Variants in EXOC3L4 observed in about 807,000 individuals in gnomAD.
EXOC3L4 encodes exocyst complex component 3 like 4.
A neutral mutation model predicts 69.7 loss-of-function variants in EXOC3L4; 62 were observed. The observed-to-expected ratio is 0.89, with a 90% CI of 0.72 to 1.10. The LOEUF is 1.10. Ranked by LOEUF, EXOC3L4 falls within the 50% of genes least tolerant of loss-of-function variation. The pLI is 0.00. For synonymous variants in EXOC3L4, 502 were observed against 464.2 expected, an observed-to-expected ratio of 1.08 and a Z score of -1.05; for missense variants, 1,087 against 1,034.8, an observed-to-expected ratio of 1.05 and a Z score of -0.69.
intron 1 of EXOC3L4, among the ~76,000 whole-genome samples, chr14:103,096,401 C>CCTTTTTT (rs1889887350): frequency 1.5e-5 from 2 of 131,912 alleles, no homozygotes; most frequent in Admixed American, 8.3e-5. Flanking sequence ...TGGCAAGATT[C>CCTTTTTT]TTTTTTTTTT....
intron 2 of EXOC3L4, among the ~76,000 whole-genome samples, chr14:103,100,967 A>G (rs923278711): frequency 6.7e-6 from 1 of 149,928 alleles, no homozygotes; most frequent in Admixed American, 6.7e-5. Context: ...CAGTGACGCA[A>G]TCTTGGCTCA....
chr14:103,104,892 G>A, intron 6 of EXOC3L4, 54 bp downstream of exon 6: 1 of 1,546,428 alleles, frequency 6.5e-7, no homozygotes, highest in Admixed American at 1.9e-5. Context: ...CTCTGCAGGT[G>A]GGAGGGAGGA....
At chr14:103,104,520 CG>C (rs1008727663) in intron 5 of EXOC3L4, 131 bp downstream of exon 5, 4 of 1,361,370 alleles carry the variant, frequency 2.9e-6, no homozygotes, top group African/African-American at 1.5e-5. Flanking sequence ...AGGCCCCACG[CG>C]GGGGGAAATC....
Position 103,102,677 on chromosome 14 carries a change from C to T in EXOC3L4, c.954C>T (p.Ser318=), listed in dbSNP as rs759209408. 5.4e-6 allele frequency: 8 copies of T among 1,489,190 alleles called. No individual in the cohort carries two copies. The highest frequency in any genetic ancestry group is 6.2e-6 in the Non-Finnish European group (7 of 1,124,746). The allele number at this position is 1,489,190 out of a possible 1,614,324, so 92.2% of individuals were successfully genotyped here. A position where few individuals can be genotyped will look rare whatever the true frequency, so the allele number is the denominator to read the frequency against. Residue 318 remains serine, a synonymous_variant, in exon 3 of 12, where the codon AGC becomes AGT. Transcript: ENST00000688303. ...AWEVYLRAFH[S]AVAQRLQELA... Reference sequence around the variant, plus strand: ...AGGTCTATCTGCGTGCCTTCCACAGCGCCGTGGCCCAGCGCCTCCAGGAGC... The same window carrying T: ...AGGTCTATCTGCGTGCCTTCCACAGTGCCGTGGCCCAGCGCCTCCAGGAGC...
chr14:103,102,213 G>A lies in EXOC3L4; in HGVS notation c.490G>A (p.Ala164Thr). The A allele has an allele frequency of 6.3e-7, 1 of 1,593,374 alleles. No homozygotes were observed. Among genetic ancestry groups the A allele is most frequent in the Non-Finnish European group, 8.5e-7 (1 of 1,170,790 alleles). Residue 164 changes from alanine to threonine, a missense_variant, in exon 3 of 12, where the codon GCC (alanine) becomes ACC (threonine). Ala to Thr is a moderately conservative substitution (Grantham distance 58). Transcript: ENST00000688303. ...GGAGACGCTGCTGGTGGCCGAGAAG[G>A]CCTCGCGCACCTTTGAGCAGGACCC... Reference protein sequence around the residue: ...RLETLLVAEKASRTFEQDPTA... With the variant: ...RLETLLVAEKTSRTFEQDPTA...
rs1248408870 is a variant in EXOC3L4 at position 103,100,568 on chromosome 14, C to T, written c.349C>T (p.Gln117Ter). 2 of 1,609,586 alleles carry T rather than the reference C, an allele frequency of 1.2e-6. No homozygotes were observed. Among genetic ancestry groups the T allele is most frequent in the Admixed American group, 3.3e-5 (2 of 59,742 alleles). The change falls in exon 2 of 12, where the codon CAG becomes TAG. Residue 117 changes from glutamine (Q) to a stop codon, truncating the protein, a stop_gained. Coordinates refer to ENST00000688303, the MANE Select transcript of EXOC3L4 (RefSeq NM_001077594.2). LOFTEE classifies it high-confidence loss of function. ...GGGGGTCATGAATGGTGTCAGCCAG[C>T]AGGCATCCACTGGGGCAGCGTCTGA... ...PSGVMNGVSQ[Q>*]ASTGAASEEL...
At position 103,105,062 on chromosome 14, in the gene EXOC3L4, G is replaced by T; in HGVS notation, c.1456G>T (p.Glu486Ter). Residue 486 changes from glutamate to a stop codon, truncating the protein, a stop_gained, in exon 7 of 12, where the codon GAG (glutamate) becomes TAG (stop). Transcript: ENST00000688303. LOFTEE classifies it high-confidence loss of function. ...CCTGGGCGCCTACATCAACGCCTGC[G>T]AGGAGCTCAGGTAGGGCTCGCCCGC... ...PHLGAYINAC[E>*]ELRTSLLSRF... is the part of the protein sequence containing the mutation. 1.2e-6 allele frequency: 2 copies of T among 1,610,590 alleles called. No homozygotes were observed. Among genetic ancestry groups the T allele is most frequent in the Non-Finnish European group, 8.5e-7 (1 of 1,177,488 alleles).
rs1376983980 is a variant in EXOC3L4 at position 103,108,383 on chromosome 14, C to T, written c.1855-13C>T. 3.7e-6 allele frequency: 6 copies of T among 1,611,768 alleles called. No homozygotes were observed. Among genetic ancestry groups the T allele is most frequent in the Non-Finnish European group, 2.5e-6 (3 of 1,178,634 alleles). ...AGAGGGCTGTTGGGGCAGGCGGTGG[C>T]TCTGTCTCGCAGGGTTCCGAGGCCA... On this transcript the variant is annotated splice_polypyrimidine_tract_variant and intron_variant, in intron 10 of 11. Transcript: ENST00000688303.
At chr14:103,100,939 A>G (rs527249680) in intron 2 of EXOC3L4, among the ~76,000 whole-genome samples, 8 of 139,006 alleles carry the variant, frequency 5.8e-5, no homozygotes, top group African/African-American at 1.6e-4. Flanking sequence ...CTCTCACTCT[A>G]TCACCCAGGC....
In EXOC3L4 at chr14:103,110,323, T is replaced by G; in HGVS notation, c.*100T>G. The G allele has an allele frequency of 1.5e-6, 2 of 1,349,206 alleles. No homozygotes were observed. Among genetic ancestry groups the G allele is most frequent in the South Asian group, 2.5e-5 (2 of 79,056 alleles). The allele number at this position is 1,349,206 out of a possible 1,614,324, so 83.6% of individuals were successfully genotyped here. The stretch of plus-strand genomic sequence containing the variant: ...AGTCACTCTGGGCCCTGCCCCCAAC[T>G]CTGACACTGCAGTTAGGGAATTTTT... On this transcript the variant is annotated 3_prime_UTR_variant, in exon 12 of 12. Transcript: ENST00000688303.
At chr14:103,104,905 C>T (rs1473709202) in intron 6 of EXOC3L4, 67 bp downstream of exon 6, 61 of 1,555,960 alleles carry the variant, frequency 3.9e-5, no homozygotes, top group Non-Finnish European at 4.2e-5. Flanking sequence ...AGGGAGGAGT[C>T]TGCGTAGGGA....
In EXOC3L4 at chr14:103,110,286, A is replaced by T. The variant is rs948846873; in HGVS notation, c.*63A>T. On this transcript the variant is annotated 3_prime_UTR_variant, in exon 12 of 12. Coordinates refer to ENST00000688303, the MANE Select transcript of EXOC3L4 (RefSeq NM_001077594.2). ...GAGCTGTGGTCAGTGGGGGTCAGCC[A>T]GGAGCCCAGGGAGTCACTCTGGGCC... 4.0e-5 allele frequency: 59 copies of T among 1,489,262 alleles called. No individual in the cohort carries two copies. The African/African-American group carries it at 7.4e-4, about 19-fold the overall frequency. 92.3% of individuals were successfully genotyped at this position (1,489,262 alleles called of 1,614,324 possible). A position where few individuals can be genotyped will look rare whatever the true frequency, so the allele number is the denominator to read the frequency against.
chr14:103,099,617 T>A (rs1441084881), intron 1 of EXOC3L4, among the ~76,000 whole-genome samples: 1 of 152,082 alleles, frequency 6.6e-6, no homozygotes, highest in African/African-American at 2.4e-5. Flanking sequence ...GCCCCACACC[T>A]CCTCGGCGGG....
intron 6 of EXOC3L4, 29 bp from the exon 7 acceptor site, chr14:103,104,962 TC>T (rs1890451193): frequency 6.3e-7 from 1 of 1,598,232 alleles, no homozygotes; most frequent in African/African-American, 1.3e-5. Context: ...CTAGGGAGGG[TC>T]CCCAAAGGCT....
rs1890385517 is a variant in EXOC3L4, at chr14:103,104,063, G to A, written c.1161+11G>A. On this transcript the variant is annotated intron_variant, in intron 4 of 11. Transcript: ENST00000688303. ...ACCAGCTTCCTGGAGGTCAGGCCGG[G>A]CGGGTCAGGCTGGGCGGGCCAGGCT... The A allele has an allele frequency of 6.5e-7, 1 of 1,547,716 alleles. No homozygotes were observed. Among genetic ancestry groups the A allele is most frequent in the Non-Finnish European group, 8.7e-7 (1 of 1,150,472 alleles).
In EXOC3L4 at chr14:103,108,506, C is replaced by A; in HGVS notation, c.1965C>A (p.Tyr655Ter). Reference sequence around the variant, plus strand: ...ACCTGGAGACTCTTATCCGGAGCTACCCCGACATCAGGTGTGTACCCCACC... The same window carrying A: ...ACCTGGAGACTCTTATCCGGAGCTAACCCGACATCAGGTGTGTACCCCACC... ...QRHLETLIRS[Y>*]PDIRRDHILA... Residue 655 changes from tyrosine to a stop codon, truncating the protein, a stop_gained, in exon 11 of 12, where the codon TAC becomes TAA. Coordinates refer to ENST00000688303, the MANE Select transcript of EXOC3L4 (RefSeq NM_001077594.2). LOFTEE classifies it low-confidence loss of function (END_TRUNC). 1 of 1,613,654 alleles carries A rather than the reference C, an allele frequency of 6.2e-7. No individual in the cohort carries two copies.
At chr14:103,095,473 A>G (rs938483626) in intron 1 of EXOC3L4, among the ~76,000 whole-genome samples, 1 of 151,920 alleles carries the variant, frequency 6.6e-6, no homozygotes, top group South Asian at 2.1e-4. Flanking sequence ...TGAGCCTTCA[A>G]TGAGTTGACA....
Position 103,102,414 on chromosome 14 carries a change from G to C in EXOC3L4, c.691G>C (p.Asp231His), listed in dbSNP as rs775808393. 11 of 1,532,810 alleles carry C rather than the reference G, an allele frequency of 7.2e-6. No homozygotes were observed. Among genetic ancestry groups the C allele is most frequent in the Non-Finnish European group, 9.6e-6 (11 of 1,148,348 alleles). The allele number at this position is 1,532,810 out of a possible 1,614,324, so 95.0% of individuals were successfully genotyped here. The change falls in exon 3 of 12, where the codon GAC becomes CAC. Residue 231 changes from aspartate to histidine, a missense_variant. Physicochemically the swap from Asp to His is moderately conservative, Grantham distance 81. Coordinates refer to ENST00000688303, the MANE Select transcript of EXOC3L4 (RefSeq NM_001077594.2). Reference sequence around the variant, plus strand: ...GGAAGCCCACCCTTCTCCCCCCGACGACGGCGACTTCCTGCGCACGCCGCG... The same window carrying C: ...GGAAGCCCACCCTTCTCCCCCCGACCACGGCGACTTCCTGCGCACGCCGCG... ...EEEAHPSPPD[D>H]GDFLRTPRRW... is the part of the protein sequence containing the mutation.
intron 1 of EXOC3L4, among the ~76,000 whole-genome samples, chr14:103,096,189 A>C (rs1316547939): frequency 6.6e-6 from 1 of 152,088 alleles, no homozygotes; most frequent in African/African-American, 2.4e-5. Context: ...CCCTGTCTCT[A>C]CAAAAAATAT....
Sources: gnomAD v4.1 joint callset for allele counts (sites outside exome capture counted in the v4.1 genomes callset) on GRCh38, gnomAD v4.1.1 for gene constraint, MANE v1.5 for transcripts, NCBI Gene and HGNC (gene_info 2026-07-23, HGNC 2026-07-21) for gene names.